The following ASCC3 variants were observed in gnomAD, a reference collection of about 807,000 sequenced individuals.
ASCC3 encodes the protein activating signal cointegrator 1 complex subunit 3.
Under a neutral mutation model 256.3 loss-of-function variants are expected in ASCC3, and 158 were observed. That is an observed-to-expected ratio of 0.62 (90% confidence interval 0.54 to 0.70). The LOEUF is 0.70. Ranked by LOEUF, ASCC3 falls within the 30% of genes least tolerant of loss-of-function variation. The probability of loss-of-function intolerance (pLI) is 0.00; values close to 1 mark genes in which losing one functional copy is unlikely to be tolerated. For synonymous variants in ASCC3, 948 were observed against 883.4 expected (o/e 1.07, Z -1.30); for missense variants, 2,259 against 2,626.0 (o/e 0.86, Z 3.05).
chr6:100,565,213 T>C (rs774867562), intron 36 of ASCC3, among the ~76,000 whole-genome samples: 21 of 152,170 alleles, frequency 1.4e-4, no homozygotes, highest in Non-Finnish European at 2.6e-4. Flanking sequence ...TTGATTTGCC[T>C]GATTTTTCTC....
chr6:100,532,407 T>TATATATATATATATA (rs1491547066), intron 37 of ASCC3, among the ~76,000 whole-genome samples: 1 of 36,418 alleles, frequency 2.7e-5, no homozygotes, highest in African/African-American at 1.0e-4. Flanking sequence ...TATATATATA[T>TATATATATATATATA]TTTTTTTTTT....
At chr6:100,530,720 G>C in intron 37 of ASCC3, 1 of 956,128 alleles carries the variant, frequency 1.0e-6, no homozygotes, top group South Asian at 1.3e-5. Context: ...AACAAGAATT[G>C]AAAGAACCAG....
chr6:100,694,600 G>A (rs1290449067), intron 13 of ASCC3, among the ~76,000 whole-genome samples: 1 of 152,154 alleles, frequency 6.6e-6, no homozygotes, highest in African/African-American at 2.4e-5. Context: ...CTGAGAAGTG[G>A]AAAGTACAAA....
At chr6:100,609,749 A>T (rs1773298937) in intron 30 of ASCC3, among the ~76,000 whole-genome samples, 1 of 152,020 alleles carries the variant, frequency 6.6e-6, no homozygotes, top group African/African-American at 2.4e-5. Context: ...CGTCTCTACT[A>T]AAAATACAAA....
At chr6:100,533,466 C>T (rs750944500) in intron 37 of ASCC3, among the ~76,000 whole-genome samples, 42 of 152,098 alleles carry the variant, frequency 2.8e-4, no homozygotes, top group Admixed American at 7.9e-4. Context: ...TCTTAAAATA[C>T]ACACAAGTGT....
intron 36 of ASCC3, among the ~76,000 whole-genome samples, chr6:100,566,438 C>G (rs1356001832): frequency 6.6e-6 from 1 of 152,158 alleles, no homozygotes; most frequent in African/African-American, 2.4e-5. Context: ...GTATTAACGG[C>G]TTTTACCTAC....
intron 4 of ASCC3, among the ~76,000 whole-genome samples, chr6:100,822,236 T>C (rs75816035): frequency 0.013 from 2,036 of 152,116 alleles, 20 homozygotes; most frequent in East Asian, 0.045. Context: ...CAATAGAAAA[T>C]GTAACAAACA....
rs369709435 is a variant in ASCC3, at chr6:100,644,167, T to C, written c.3634-38A>G. On this transcript the variant is annotated intron_variant, in intron 22 of 41. Transcript: ENST00000369162. ...TAGCATCCTGCTACTATGCATATCA[T>C]AACTCAAATAAGGGATAGCATCCAA... 9.8e-5 allele frequency: 132 copies of C among 1,340,416 alleles called. 1 individual carries two copies. The highest frequency in any genetic ancestry group is 2.9e-5 in the African/African-American group (2 of 69,614). 83.0% of individuals were successfully genotyped at this position (1,340,416 alleles called of 1,614,324 possible).
In ASCC3 at chr6:100,512,766, A is replaced by G; in HGVS notation, c.6228T>C (p.Ala2076=). The part of the protein sequence containing the change: ...RDDNKWIKLH[A]DQEYVLQVSL... ...TCACTTGAAGCACATACTCTTGGTC[A>G]GCATGCAATTTGATCCATTTGTTGT... is the stretch of plus-strand genomic sequence containing the variant. Residue 2076 remains alanine, a synonymous_variant, in exon 40 of 42, where the codon GCT becomes GCC. Coordinates refer to ENST00000369162, the MANE Select transcript of ASCC3 (RefSeq NM_006828.4). 1 of 1,614,168 alleles carries G rather than the reference A, an allele frequency of 6.2e-7. No individual in the cohort carries two copies. Among genetic ancestry groups the G allele is most frequent in the Non-Finnish European group, 8.5e-7 (1 of 1,180,000 alleles).
chr6:100,599,827 A>C (rs954052278), intron 34 of ASCC3, among the ~76,000 whole-genome samples: 1 of 152,136 alleles, frequency 6.6e-6, no homozygotes, highest in Non-Finnish European at 1.5e-5. Flanking sequence ...TCTTATCTCT[A>C]AACTAGACTC....
At chr6:100,826,569 T>C (rs1432727595) in intron 4 of ASCC3, among the ~76,000 whole-genome samples, 2 of 152,224 alleles carry the variant, frequency 1.3e-5, no homozygotes, top group Non-Finnish European at 2.9e-5. Context: ...ATACTATCAA[T>C]GTTGAATCTG....
At chr6:100,574,760 C>T (rs868446307) in intron 36 of ASCC3, among the ~76,000 whole-genome samples, 33 of 151,550 alleles carry the variant, frequency 2.2e-4, no homozygotes, top group African/African-American at 7.0e-4. Context: ...TTATGCTTGT[C>T]GGAACATAAC....
intron 4 of ASCC3, among the ~76,000 whole-genome samples, chr6:100,829,282 G>A (rs1771495993): frequency 6.6e-6 from 1 of 152,170 alleles, no homozygotes; most frequent in Non-Finnish European, 1.5e-5. Context: ...GGAGCAGGGG[G>A]CGGCGCTCAT....
chr6:100,619,651 C>G (rs1208611825), intron 30 of ASCC3, among the ~76,000 whole-genome samples: 1 of 151,960 alleles, frequency 6.6e-6, no homozygotes, highest in African/African-American at 2.4e-5. Flanking sequence ...TCTATTTGGC[C>G]CCCTGGCTAG....
rs149733700 is a variant in ASCC3, at chr6:100,631,132, T to G, written c.4204A>C (p.Lys1402Gln). ...TGAGTAAAAGTAAGAACTTACTTTT[T>G]ACCAAGTTTTTCTTCTATTCTAACT... ...WKVRIEEKLG[K>Q]KVIELTGDVT... The change falls in exon 26 of 42, where the codon AAA (lysine) becomes CAA (glutamine). Residue 1402 changes from lysine to glutamine, a missense_variant. Coordinates refer to ENST00000369162, the MANE Select transcript of ASCC3 (RefSeq NM_006828.4). 7.6e-4 allele frequency: 1,228 copies of G among 1,607,146 alleles called. 2 individuals are homozygous for G. Among genetic ancestry groups the G allele is most frequent in the Admixed American group, 1.6e-3 (94 of 59,842 alleles).
At chr6:100,772,791 T>C (rs1279073667) in intron 8 of ASCC3, among the ~76,000 whole-genome samples, 1 of 152,178 alleles carries the variant, frequency 6.6e-6, no homozygotes, top group Non-Finnish European at 1.5e-5. Context: ...AATATAACTT[T>C]TAAGAAACCT....
chr6:100,781,486 C>T (rs546509337), intron 8 of ASCC3, among the ~76,000 whole-genome samples: 4 of 151,654 alleles, frequency 2.6e-5, no homozygotes, highest in Admixed American at 6.6e-5. Context: ...CGGGTTCAAG[C>T]GATTCTCCTG....
intron 4 of ASCC3, among the ~76,000 whole-genome samples, chr6:100,829,106 C>T (rs1771484593): frequency 1.3e-5 from 2 of 152,238 alleles, no homozygotes; most frequent in South Asian, 2.1e-4. Context: ...TATTTACAAT[C>T]CCTTAGCTAG....
At chr6:100,843,665 CAAG>C (rs938671662) in intron 4 of ASCC3, among the ~76,000 whole-genome samples, 1 of 151,978 alleles carries the variant, frequency 6.6e-6, no homozygotes, top group African/African-American at 2.4e-5. Context: ...TCCATCTTAA[CAAG>C]AACTATTAAT....
Sources: gnomAD v4.1 joint callset for allele counts (sites outside exome capture counted in the v4.1 genomes callset) on GRCh38, gnomAD v4.1.1 for gene constraint, MANE v1.5 for transcripts, NCBI Gene and HGNC (gene_info 2026-07-23, HGNC 2026-07-21) for gene names.